RAB2A: variants seen among roughly 807,000 people sequenced by gnomAD.
RAB2A encodes the protein RAB2A, member RAS oncogene family.
RAB2A carries 7 observed loss-of-function variants against 32.5 expected under a neutral mutation model. That is an observed-to-expected ratio of 0.22 (90% CI 0.12 to 0.40). The LOEUF (loss-of-function observed/expected upper bound fraction) is 0.40, where lower values mean the gene tolerates loss of function less well. Among genes scored for constraint, RAB2A ranks in the 10% least tolerant of loss-of-function variants. The pLI is 1.00. For synonymous variants in RAB2A, 79 were observed against 85.2 expected (o/e 0.93, Z 0.40); for missense variants, 108 against 260.7 (o/e 0.41, Z 4.03).
intron 5 of RAB2A, among the ~76,000 whole-genome samples, chr8:60,590,812 T>C (rs1803930357): frequency 6.6e-6 from 1 of 151,492 alleles, no homozygotes; most frequent in Non-Finnish European, 1.5e-5. Flanking sequence ...AGTAGCTACA[T>C]CTGAATTTTT....
chr8:60,603,529 G>A (rs1226979087), intron 6 of RAB2A, among the ~76,000 whole-genome samples: 2 of 152,310 alleles, frequency 1.3e-5, no homozygotes, highest in Non-Finnish European at 2.9e-5. Context: ...AAGAGGCAAC[G>A]TGGTAAATGA....
chr8:60,605,076 C>T (rs1238649628), intron 6 of RAB2A, among the ~76,000 whole-genome samples: 1 of 152,130 alleles, frequency 6.6e-6, no homozygotes, highest in Non-Finnish European at 1.5e-5. Context: ...CAGGGCCCCA[C>T]CACCCTGCAC....
At chr8:60,595,632 T>A (rs1487671972) in intron 6 of RAB2A, among the ~76,000 whole-genome samples, 1 of 152,170 alleles carries the variant, frequency 6.6e-6, no homozygotes, top group Admixed American at 6.5e-5. Flanking sequence ...AAAAAAATTA[T>A]CAGAGTGGGA....
chr8:60,531,798 ATTT>A (rs11320293), intron 1 of RAB2A, among the ~76,000 whole-genome samples: 1 of 129,714 alleles, frequency 7.7e-6, no homozygotes, highest in Non-Finnish European at 1.6e-5. Context: ...TTCTACCTTG[ATTT>A]TTTTTTTTTT....
At chr8:60,616,645 C>T (rs891975513) in intron 6 of RAB2A, among the ~76,000 whole-genome samples, 5 of 152,250 alleles carry the variant, frequency 3.3e-5, no homozygotes, top group East Asian at 3.8e-4. Flanking sequence ...AGCGCACTCG[C>T]GTCCTAAGTG....
intron 1 of RAB2A, among the ~76,000 whole-genome samples, chr8:60,537,799 G>A (rs940232060): frequency 6.6e-6 from 1 of 152,098 alleles, no homozygotes; most frequent in East Asian, 1.9e-4. Context: ...TCCTGCCTCA[G>A]CCTCCTGAGT....
intron 3 of RAB2A, among the ~76,000 whole-genome samples, chr8:60,574,512 A>G (rs1242564181): frequency 6.6e-6 from 1 of 152,240 alleles, no homozygotes; most frequent in Non-Finnish European, 1.5e-5. Flanking sequence ...TAATATAGTA[A>G]TGATAATTAT....
chr8:60,565,700 T>A (rs1475044556), intron 2 of RAB2A, among the ~76,000 whole-genome samples: 861 of 37,122 alleles, frequency 0.023, 125 homozygotes, highest in African/African-American at 0.13. Flanking sequence ...TTTTTTTTTT[T>A]TTTTTTTTTT....
intron 6 of RAB2A, among the ~76,000 whole-genome samples, chr8:60,607,933 CT>C (rs1262544418): frequency 2.0e-5 from 3 of 152,118 alleles, no homozygotes; most frequent in South Asian, 4.1e-4. Context: ...TTATAAAATC[CT>C]TTCACTCCAT....
chr8:60,574,439 G>A (rs570321503), intron 3 of RAB2A, among the ~76,000 whole-genome samples: 1 of 152,302 alleles, frequency 6.6e-6, no homozygotes, highest in African/African-American at 2.4e-5. Context: ...TAAGCAACTT[G>A]TAGGGTCACT....
chr8:60,568,514 A>T (rs937562838), intron 2 of RAB2A, among the ~76,000 whole-genome samples: 2 of 152,158 alleles, frequency 1.3e-5, no homozygotes, highest in Non-Finnish European at 2.9e-5. Context: ...TTAAAAAAAA[A>T]TCTCATGAGA....
chr8:60,591,694 T>C (rs1803947677), intron 5 of RAB2A, 164 bp from the exon 6 acceptor site: 1 of 495,780 alleles, frequency 2.0e-6, no homozygotes, highest in Admixed American at 3.2e-5. Context: ...GACAGTGTGT[T>C]CTAAATACTA....
intron 1 of RAB2A, among the ~76,000 whole-genome samples, chr8:60,548,987 C>T (rs562211862): frequency 2.0e-5 from 3 of 151,666 alleles, no homozygotes; most frequent in East Asian, 2.0e-4. Context: ...AGAGACGCTC[C>T]TCACATCCCG....
chr8:60,541,030 ACTAC>A (rs1251786299), intron 1 of RAB2A, among the ~76,000 whole-genome samples: 29 of 152,320 alleles, frequency 1.9e-4, no homozygotes, highest in Non-Finnish European at 2.9e-5. Context: ...AGCCTGACAG[ACTAC>A]CTTAGCCAGG....
intron 1 of RAB2A, among the ~76,000 whole-genome samples, chr8:60,542,696 GA>G (rs1250930187): frequency 1.3e-5 from 2 of 152,148 alleles, no homozygotes; most frequent in African/African-American, 2.4e-5. Context: ...GAAAGAAACA[GA>G]AATAGTAGTA....
intron 3 of RAB2A, among the ~76,000 whole-genome samples, chr8:60,578,013 T>C (rs749820525): frequency 2.0e-5 from 3 of 152,164 alleles, no homozygotes; most frequent in African/African-American, 7.2e-5. Flanking sequence ...AGGGACAGTT[T>C]ATTTGGCTGT....
At chr8:60,530,891 T>TA (rs11434594) in intron 1 of RAB2A, among the ~76,000 whole-genome samples, 36,014 of 152,058 alleles carry the variant, frequency 0.24, 4,321 homozygotes, top group Middle Eastern at 0.39. Flanking sequence ...ATAGGTCACC[T>TA]ATTCCTTGCA....
chr8:60,536,053 GC>G (rs1807552221), intron 1 of RAB2A, among the ~76,000 whole-genome samples: 1 of 152,170 alleles, frequency 6.6e-6, no homozygotes, highest in African/African-American at 2.4e-5. Context: ...GTGCGTTTGT[GC>G]AAGAAGTAAA....
intron 6 of RAB2A, among the ~76,000 whole-genome samples, chr8:60,610,493 C>T (rs1315378638): frequency 6.6e-6 from 1 of 152,182 alleles, no homozygotes; most frequent in Non-Finnish European, 1.5e-5. Flanking sequence ...TTGTTTCCCC[C>T]TTAAATCTAT....
Sources: allele counts gnomAD v4.1 joint callset (sites outside exome capture counted in the v4.1 genomes callset), GRCh38; gene constraint gnomAD v4.1.1; transcripts MANE v1.5; gene names NCBI Gene and HGNC (gene_info 2026-07-23, HGNC 2026-07-21).